CCDC28A: variants seen among roughly 807,000 people sequenced by gnomAD.
CCDC28A encodes coiled-coil domain-containing protein 28A.
CCDC28A carries 24 observed loss-of-function variants against 22.1 expected under a neutral mutation model. The ratio of observed to expected loss-of-function variants is 1.09; its 90% CI spans 0.79 to 1.53. CCDC28A has a LOEUF of 1.53. Ranked by LOEUF, CCDC28A falls within the 40% of genes most tolerant of loss-of-function variation. The pLI, the probability that CCDC28A is intolerant of heterozygous loss-of-function variation, is 0.00. For missense variants in CCDC28A, 170 were observed against 210.7 expected (o/e 0.81, Z 1.20); for synonymous variants, 83 against 74.7 (o/e 1.11, Z -0.57).
chr6:138,783,539 G>A (rs1380437327), intron 3 of CCDC28A, among the ~76,000 whole-genome samples: 2 of 150,652 alleles, frequency 1.3e-5, no homozygotes, highest in East Asian at 2.0e-4. Flanking sequence ...CCAGATTCAC[G>A]CCATTCTCCT....
At chr6:138,775,850 A>G (rs1274353443) in intron 1 of CCDC28A, among the ~76,000 whole-genome samples, 2 of 152,118 alleles carry the variant, frequency 1.3e-5, no homozygotes, top group African/African-American at 2.4e-5. Context: ...ATGAAGAAAT[A>G]AAGAAAATGG....
rs777697396 is a variant in CCDC28A at position 138,773,859 on chromosome 6, C to T, written c.-86C>T. ...GCGGTGGCTTCTGAGGCTGTCGGGT[C>T]TTTGCGGGTTGCGGAAGGGGGCCCC... On this transcript the variant is annotated 5_prime_UTR_variant, in exon 1 of 6. Coordinates refer to ENST00000617445, the MANE Select transcript of CCDC28A (RefSeq NM_015439.3). 3 of 1,613,948 alleles carry T rather than the reference C, an allele frequency of 1.9e-6. No homozygotes were observed. The highest frequency in any genetic ancestry group is 2.5e-6 in the Non-Finnish European group (3 of 1,180,034).
intron 3 of CCDC28A, among the ~76,000 whole-genome samples, chr6:138,783,471 T>G (rs1415426791): frequency 6.8e-6 from 1 of 147,872 alleles, no homozygotes; most frequent in African/African-American, 2.5e-5. Flanking sequence ...GGAGTCTCGC[T>G]CTTTCGCCCA....
In CCDC28A at chr6:138,792,928, T is replaced by A. The variant is rs1041145681; in HGVS notation, c.*125T>A. 3.0e-6 allele frequency: 2 copies of A among 674,226 alleles called. No individual in the cohort carries two copies. The highest frequency in any genetic ancestry group is 2.6e-6 in the Non-Finnish European group (1 of 383,038). 41.8% of individuals were successfully genotyped at this position (674,226 alleles called of 1,614,324 possible). On this transcript the variant is annotated 3_prime_UTR_variant, in exon 6 of 6. Coordinates refer to ENST00000617445, the MANE Select transcript of CCDC28A (RefSeq NM_015439.3). Reference sequence around the variant, plus strand: ...TAAAGTAATTAAAGTGCAAGTTCAATGATCGTTTTCACTTACTGCTTTTAG... The same window carrying A: ...TAAAGTAATTAAAGTGCAAGTTCAAAGATCGTTTTCACTTACTGCTTTTAG...
chr6:138,788,534 T>G, intron 5 of CCDC28A, 146 bp downstream of exon 5: 1 of 379,986 alleles, frequency 2.6e-6, no homozygotes, highest in Non-Finnish European at 5.1e-6. Context: ...TCACTCTTCC[T>G]CTTTGGTTTT....
At chr6:138,784,353 C>CTT (rs10689868) in intron 3 of CCDC28A, among the ~76,000 whole-genome samples, 38,022 of 139,954 alleles carry the variant, frequency 0.27, 5,877 homozygotes, top group African/African-American at 0.41. Context: ...TTCTCTTTTT[C>CTT]TTTTTTTTTT....
chr6:138,785,085 C>T (rs1233294233), intron 3 of CCDC28A, 142 bp from the exon 4 acceptor site: 1 of 511,274 alleles, frequency 2.0e-6, no homozygotes. Context: ...TGTTATTAAA[C>T]ACAGAAAATA....
At chr6:138,774,235 G>A (rs556843519) in intron 1 of CCDC28A, among the ~76,000 whole-genome samples, 59 of 152,358 alleles carry the variant, frequency 3.9e-4, no homozygotes, top group African/African-American at 1.4e-3. Context: ...TGGCTCCGCA[G>A]AATATTGTGG....
rs1481768001 is a variant in CCDC28A at position 138,792,528 on chromosome 6, T to TA, written c.501-221_501-220insA. ...CAAAGTGAGTCCTTATCTCTAAAAT[T>TA]TAAAAAAAAAAAAGTCTTCAAATTC... On this transcript the variant is annotated intron_variant, in intron 5 of 5. Transcript: ENST00000617445. Among the ~76,000 whole-genome samples, 329 of 146,170 alleles carry TA rather than the reference T, an allele frequency of 2.3e-3. 2 individuals are homozygous for TA. Among genetic ancestry groups the TA allele is most frequent in the African/African-American group, 8.1e-3 (319 of 39,564 alleles).
intron 4 of CCDC28A, among the ~76,000 whole-genome samples, chr6:138,786,135 G>A (rs764931617): frequency 6.6e-6 from 1 of 152,172 alleles, no homozygotes; most frequent in Non-Finnish European, 1.5e-5. Context: ...TGTAGTAGCC[G>A]TCGTGTTCAC....
chr6:138,787,328 C>T (rs563601575), intron 4 of CCDC28A, among the ~76,000 whole-genome samples: 32 of 152,236 alleles, frequency 2.1e-4, no homozygotes, highest in Middle Eastern at 3.4e-3. Context: ...GAAAGCCCTC[C>T]TGTTTCATGA....
intron 1 of CCDC28A, among the ~76,000 whole-genome samples, 189 bp from the exon 2 acceptor site, chr6:138,775,890 C>G (rs115076119): frequency 0.017 from 2,574 of 152,024 alleles, 62 homozygotes; most frequent in African/African-American, 0.054. Flanking sequence ...AACTGTCTAC[C>G]AGACAATTTT....
Position 138,773,882 on chromosome 6 carries a change from C to T in CCDC28A, c.-63C>T. On this transcript the variant is annotated 5_prime_UTR_variant, in exon 1 of 6. Coordinates refer to ENST00000617445, the MANE Select transcript of CCDC28A (RefSeq NM_015439.3). ...GTCTTTGCGGGTTGCGGAAGGGGGCCCCAATACCCTTCTTCTTCAGGTATG... is the reference window on the plus strand; with the variant it reads ...GTCTTTGCGGGTTGCGGAAGGGGGCTCCAATACCCTTCTTCTTCAGGTATG... 6.2e-7 allele frequency: 1 copy of T among 1,613,640 alleles called. No homozygotes were observed. The highest frequency in any genetic ancestry group is 8.5e-7 in the Non-Finnish European group (1 of 1,179,998).
chr6:138,791,195 CA>C (rs1267864264), intron 5 of CCDC28A, among the ~76,000 whole-genome samples: 3 of 152,064 alleles, frequency 2.0e-5, no homozygotes, highest in Non-Finnish European at 4.4e-5. Flanking sequence ...GTTGATCTCC[CA>C]CCTCAGCCTC....
Position 138,776,146 on chromosome 6 carries a change from G to A in CCDC28A, c.26G>A (p.Arg9Lys), listed in dbSNP as rs1774927700. ...ATGGAAGAGCGGAAAGTGAAGAGGAGGAGTCCTAAGTCTTTTAGTGCCCAC... is the reference window on the plus strand; with the variant it reads ...ATGGAAGAGCGGAAAGTGAAGAGGAAGAGTCCTAAGTCTTTTAGTGCCCAC... MEERKVKRRSPKSFSAHCT... is the reference protein window; with the variant it reads MEERKVKRKSPKSFSAHCT... Residue 9 changes from arginine (R) to lysine (K), a missense_variant, in exon 2 of 6, where the codon AGG (arginine) becomes AAG (lysine). Arg to Lys is a conservative substitution (Grantham distance 26, BLOSUM62 2). Coordinates refer to ENST00000617445, the MANE Select transcript of CCDC28A (RefSeq NM_015439.3). 1 of 1,613,904 alleles carries A rather than the reference G, an allele frequency of 6.2e-7. No homozygotes were observed. The highest frequency in any genetic ancestry group is 2.2e-5 in the East Asian group (1 of 44,882).
intron 1 of CCDC28A, among the ~76,000 whole-genome samples, chr6:138,774,156 A>T (rs1388755017): frequency 6.6e-6 from 1 of 152,188 alleles, no homozygotes; most frequent in East Asian, 1.9e-4. Flanking sequence ...TTGCTGTTTG[A>T]TATACAGGAA....
Position 138,776,130 on chromosome 6 carries a change from C to T in CCDC28A, c.10C>T (p.Arg4Trp), listed in dbSNP as rs765327016. The change falls in exon 2 of 6, where the codon CGG becomes TGG. Residue 4 changes from arginine to tryptophan, a missense_variant. Coordinates refer to ENST00000617445, the MANE Select transcript of CCDC28A (RefSeq NM_015439.3). MEE[R>W]KVKRRSPKSF... ...TAAGGAACTTAAAACAATGGAAGAG[C>T]GGAAAGTGAAGAGGAGGAGTCCTAA... 8 of 1,613,970 alleles carry T rather than the reference C, an allele frequency of 5.0e-6. No homozygotes were observed. Among genetic ancestry groups the T allele is most frequent in the South Asian group, 1.1e-5 (1 of 91,080 alleles).
Position 138,776,420 on chromosome 6 carries a change from T to A in CCDC28A, c.158+142T>A, listed in dbSNP as rs1051409771. The A allele has an allele frequency of 4.6e-6, 3 of 651,266 alleles. No individual in the cohort carries two copies. The African/African-American group carries it at 5.5e-5, about 12-fold the overall frequency. 40.3% of individuals were successfully genotyped at this position (651,266 alleles called of 1,614,324 possible). ...CATTATGCGTGATTTAGAAGAAAAATTTATGAAAGTTACGGTGTATAGATA... is the reference window on the plus strand; with the variant it reads ...CATTATGCGTGATTTAGAAGAAAAAATTATGAAAGTTACGGTGTATAGATA... On this transcript the variant is annotated intron_variant, in intron 2 of 5. Transcript: ENST00000617445.
At position 138,785,326 on chromosome 6, in the gene CCDC28A, CT is replaced by C; in HGVS notation, c.423del (p.Glu142ArgfsTer19). On this transcript the variant is annotated frameshift_variant, in exon 4 of 6. Transcript: ENST00000617445. LOFTEE classifies it high-confidence loss of function. ...CTCTATGGGGAGTTAGAGGAACTTC[CT>C]GAGGATAAGAGAAAAACAGCCAGTG... ...LELYGELEEL[P>X]EDKRKTASDS... is the part of the protein sequence containing the mutation. 1 of 1,613,432 alleles carries C rather than the reference CT, an allele frequency of 6.2e-7. No individual in the cohort carries two copies. Among genetic ancestry groups the C allele is most frequent in the Non-Finnish European group, 8.5e-7 (1 of 1,179,458 alleles).
Sources: gnomAD v4.1 joint callset for allele counts (sites outside exome capture counted in the v4.1 genomes callset) on GRCh38, gnomAD v4.1.1 for gene constraint, MANE v1.5 for transcripts, NCBI Gene and HGNC (gene_info 2026-07-23, HGNC 2026-07-21) for gene names.